RALYL: variants seen among roughly 807,000 people sequenced by gnomAD.
RALYL encodes RNA-binding Raly-like protein.
Under a neutral mutation model 35.1 loss-of-function variants are expected in RALYL, and 29 were observed. The ratio of observed to expected loss-of-function variants is 0.83; its 90% CI spans 0.61 to 1.13. RALYL has a LOEUF of 1.13. RALYL is among the 50% of genes most tolerant of loss of function. The pLI, the probability that RALYL is intolerant of heterozygous loss-of-function variation, is 0.00. For missense variants in RALYL, 359 were observed against 360.4 expected (o/e 1.00, Z 0.03); for synonymous variants, 120 against 127.6 (o/e 0.94, Z 0.40).
intron 2 of RALYL, among the ~76,000 whole-genome samples, chr8:84,541,536 A>G (rs1311025981): frequency 6.6e-6 from 1 of 152,036 alleles, no homozygotes; most frequent in African/African-American, 2.4e-5. Context: ...CACACAGTAC[A>G]TATATTCTAT....
intron 1 of RALYL, among the ~76,000 whole-genome samples, chr8:84,377,950 T>G (rs755713652): frequency 6.6e-6 from 1 of 151,870 alleles, no homozygotes; most frequent in Non-Finnish European, 1.5e-5. Flanking sequence ...TATGTGAAAT[T>G]TTCCTATGAT....
intron 6 of RALYL, 87 bp downstream of exon 6, chr8:84,862,540 C>T (rs961051884): frequency 2.8e-6 from 3 of 1,090,752 alleles, no homozygotes; most frequent in East Asian, 6.0e-5. Context: ...ATAAATTAAC[C>T]AGATAGTTAT....
chr8:84,849,956 T>A, intron 4 of RALYL, 24 bp from the exon 5 acceptor site: 1 of 1,374,858 alleles, frequency 7.3e-7, no homozygotes. Flanking sequence ...AAATGCCAAC[T>A]AATTTTTTTG....
chr8:84,232,073 C>T (rs748859989), intron 1 of RALYL, among the ~76,000 whole-genome samples: 6 of 152,184 alleles, frequency 3.9e-5, no homozygotes, highest in East Asian at 3.9e-4. Flanking sequence ...GTCAGTACTC[C>T]GCCCTTTACA....
At chr8:84,402,411 A>G (rs2043004782) in intron 1 of RALYL, among the ~76,000 whole-genome samples, 2 of 152,148 alleles carry the variant, frequency 1.3e-5, no homozygotes, top group South Asian at 2.1e-4. Context: ...ATTTTAATAT[A>G]TAGACTACCT....
At chr8:84,816,022 G>C (rs1339975851) in intron 4 of RALYL, among the ~76,000 whole-genome samples, 2 of 106,460 alleles carry the variant, frequency 1.9e-5, no homozygotes, top group East Asian at 2.9e-4. Flanking sequence ...AACAGAGAGA[G>C]ACTCTGTCTC....
chr8:84,627,202 A>G (rs1166442494), intron 2 of RALYL, among the ~76,000 whole-genome samples: 1 of 151,910 alleles, frequency 6.6e-6, no homozygotes, highest in African/African-American at 2.4e-5. Context: ...TCAACTTAGC[A>G]TTCGTCTTTC....
intron 2 of RALYL, among the ~76,000 whole-genome samples, chr8:84,567,097 G>T (rs766948184): frequency 6.6e-6 from 1 of 151,646 alleles, no homozygotes; most frequent in East Asian, 1.9e-4. Context: ...TGTTTATTTT[G>T]TTGTTGAGTT....
intron 1 of RALYL, among the ~76,000 whole-genome samples, chr8:84,434,626 TTAA>T (rs2047503862): frequency 1.3e-5 from 2 of 152,174 alleles, no homozygotes; most frequent in Non-Finnish European, 2.9e-5. Flanking sequence ...TTAAAGAATA[TTAA>T]TCAAAGAGTA....
chr8:84,634,997 C>G (rs1413461538), intron 2 of RALYL, among the ~76,000 whole-genome samples: 1 of 151,666 alleles, frequency 6.6e-6, no homozygotes, highest in Non-Finnish European at 1.5e-5. Context: ...TTAGGGAGAA[C>G]CTGCTGTTTG....
At chr8:84,277,396 A>T (rs376393415) in intron 1 of RALYL, among the ~76,000 whole-genome samples, 107 of 152,160 alleles carry the variant, frequency 7.0e-4, no homozygotes, top group African/African-American at 2.5e-3. Flanking sequence ...CATGGGGCTT[A>T]TTATAATTAA....
intron 4 of RALYL, among the ~76,000 whole-genome samples, chr8:84,824,811 T>A (rs11994605): frequency 0.017 from 2,581 of 152,256 alleles, 72 homozygotes; most frequent in African/African-American, 0.058. Context: ...GCTAACCATA[T>A]GCAGAAGAAT....
intron 1 of RALYL, among the ~76,000 whole-genome samples, chr8:84,225,036 A>G (rs1004648591): frequency 6.6e-6 from 1 of 152,190 alleles, no homozygotes; most frequent in Non-Finnish European, 1.5e-5. Flanking sequence ...GATATTATGG[A>G]TGAGTCTACC....
chr8:84,868,100 AG>A (rs1245471907), intron 6 of RALYL, among the ~76,000 whole-genome samples: 1 of 151,990 alleles, frequency 6.6e-6, no homozygotes, highest in Non-Finnish European at 1.5e-5. Context: ...CATGATGGGC[AG>A]TGGGGGGTAG....
chr8:84,293,891 T>G (rs1039965916), intron 1 of RALYL, among the ~76,000 whole-genome samples: 8 of 151,634 alleles, frequency 5.3e-5, no homozygotes, highest in Admixed American at 2.0e-4. Context: ...CATTTTCTTA[T>G]GTATGAAATT....
chr8:84,391,330 G>C (rs7820097), intron 1 of RALYL, among the ~76,000 whole-genome samples: 4,527 of 151,960 alleles, frequency 0.03, 213 homozygotes, highest in African/African-American at 0.1. Flanking sequence ...AATATTTAGG[G>C]TTTAGCTGAA....
At position 84,311,895 on chromosome 8, in the gene RALYL, G is replaced by C. The variant is rs796188541; in HGVS notation, c.-24+127471G>C. On this transcript the variant is annotated intron_variant, in intron 1 of 8. Coordinates refer to ENST00000521268, the MANE Select transcript of RALYL (RefSeq NM_173848.7). ...ACATCAAGGAATTTAGTAAAAGAGT[G>C]ATAATCAAATCAGAGATTATACAAT... is the stretch of plus-strand genomic sequence containing the variant. Among the ~76,000 whole-genome samples the C allele has an allele frequency of 3.3e-5, 5 of 152,276 alleles. No individual in the cohort carries two copies. The South Asian group carries it at 8.3e-4, about 25-fold the overall frequency.
At chr8:84,464,751 C>T (rs7387630) in intron 1 of RALYL, among the ~76,000 whole-genome samples, 51,712 of 150,230 alleles carry the variant, frequency 0.34, 9,194 homozygotes, top group South Asian at 0.51. Flanking sequence ...GTTTACAGTC[C>T]CACCAACAGT....
intron 2 of RALYL, among the ~76,000 whole-genome samples, chr8:84,534,333 A>G (rs943173477): frequency 6.6e-6 from 1 of 152,190 alleles, no homozygotes; most frequent in Non-Finnish European, 1.5e-5. Context: ...TCAGATCTCA[A>G]ATGAAATTTC....
Sources: gnomAD v4.1 joint callset for allele counts (sites outside exome capture counted in the v4.1 genomes callset) on GRCh38, gnomAD v4.1.1 for gene constraint, MANE v1.5 for transcripts, NCBI Gene and HGNC (gene_info 2026-07-23, HGNC 2026-07-21) for gene names.